Variants in SLC4A7 observed in about 807,000 individuals in gnomAD.
SLC4A7 encodes solute carrier family 4 member 7, also known as sodium bicarbonate cotransporter 3.
In SLC4A7, 51 loss-of-function variants were observed where a neutral mutation model predicts 137.6. That is an observed-to-expected ratio of 0.37 (90% CI 0.30 to 0.47). The LOEUF (loss-of-function observed/expected upper bound fraction) is 0.47, where lower values mean the gene tolerates loss of function less well. Ranked by LOEUF, SLC4A7 falls within the 20% of genes least tolerant of loss-of-function variation. The pLI is 1.00. For synonymous variants in SLC4A7, 542 were observed against 518.6 expected (o/e 1.05, Z -0.61); for missense variants, 1,247 against 1,525.4 (o/e 0.82, Z 3.04).
Position 27,383,182 on chromosome 3 carries a change from C to G in SLC4A7, c.3561G>C (p.Leu1187Phe). 1 of 1,612,930 alleles carries G rather than the reference C, an allele frequency of 6.2e-7. No individual in the cohort carries two copies. The highest frequency in any genetic ancestry group is 2.2e-5 in the East Asian group (1 of 44,866). ...ATTTTAGGGCCTTGACTGGAATTTGCAAGAGACTTCCCCCTTCAAATGGAA... is the reference window on the plus strand; with the variant it reads ...ATTTTAGGGCCTTGACTGGAATTTGGAAGAGACTTCCCCCTTCAAATGGAA... The part of the protein sequence containing the change: ...VHLPFEGGSL[L>F]QIPVKALKYS... Residue 1187 changes from leucine to phenylalanine, a missense_variant, in exon 24 of 26, where the codon TTG becomes TTC. Physicochemically the swap from Leu to Phe is conservative, Grantham distance 22. Coordinates refer to ENST00000454389, the MANE Select transcript of SLC4A7 (RefSeq NM_001321103.2).
chr3:27,457,045 A>G (rs1229207987), intron 1 of SLC4A7: 4 of 512,624 alleles, frequency 7.8e-6, no homozygotes. Flanking sequence ...AGTATGGTTT[A>G]TAATTATCAT....
intron 25 of SLC4A7, among the ~76,000 whole-genome samples, chr3:27,378,597 T>TA (rs2050126674): frequency 6.6e-6 from 1 of 152,176 alleles, no homozygotes; most frequent in Non-Finnish European, 1.5e-5. Context: ...GGTTACAAAA[T>TA]ACTTTCAATA....
chr3:27,421,023 G>C (rs964988282), intron 9 of SLC4A7, among the ~76,000 whole-genome samples: 2 of 151,876 alleles, frequency 1.3e-5, no homozygotes, highest in African/African-American at 4.8e-5. Flanking sequence ...CCAAACTCCT[G>C]ACCTCAGGTG....
intron 10 of SLC4A7, 112 bp from the exon 11 acceptor site, chr3:27,418,744 C>CCTG: frequency 3.1e-6 from 2 of 644,750 alleles, no homozygotes; most frequent in South Asian, 2.2e-5. Context: ...AACCCCTAAA[C>CCTG]TCTTATCTCA....
chr3:27,409,649 A>G (rs2053713899), intron 12 of SLC4A7, 119 bp from the exon 13 acceptor site: 3 of 658,000 alleles, frequency 4.6e-6, no homozygotes, highest in Non-Finnish European at 7.8e-6. Context: ...CAAAATGTTA[A>G]ATCCAATTTA....
intron 2 of SLC4A7, among the ~76,000 whole-genome samples, chr3:27,450,279 C>T (rs2057981716): frequency 6.6e-6 from 1 of 152,038 alleles, no homozygotes; most frequent in Admixed American, 6.6e-5. Flanking sequence ...ATCTCAACTA[C>T]TAGAAAACAA....
chr3:27,429,821 T>C (rs1283130006), intron 7 of SLC4A7, among the ~76,000 whole-genome samples: 2 of 151,232 alleles, frequency 1.3e-5, no homozygotes, highest in African/African-American at 4.9e-5. Context: ...TGCGCTCCAG[T>C]CTAGGCAACA....
chr3:27,411,326 A>C (rs1262651921), intron 12 of SLC4A7, among the ~76,000 whole-genome samples: 4 of 152,118 alleles, frequency 2.6e-5, no homozygotes, highest in African/African-American at 9.7e-5. Context: ...ATGAAGAATT[A>C]TAATAAGACT....
chr3:27,437,086 A>G (rs1333519919), intron 4 of SLC4A7, among the ~76,000 whole-genome samples: 1 of 152,180 alleles, frequency 6.6e-6, no homozygotes, highest in Admixed American at 6.5e-5. Flanking sequence ...AACGGTGGCT[A>G]ACGCCTGTAA....
intron 1 of SLC4A7, among the ~76,000 whole-genome samples, chr3:27,466,807 C>A (rs539601875): frequency 6.6e-6 from 1 of 151,456 alleles, no homozygotes; most frequent in Non-Finnish European, 1.5e-5. Context: ...CAGAGAGCCG[C>A]GATTGCGCCA....
At chr3:27,435,979 G>A (rs759139450) in intron 5 of SLC4A7, among the ~76,000 whole-genome samples, 1 of 152,114 alleles carries the variant, frequency 6.6e-6, no homozygotes, top group South Asian at 2.1e-4. Flanking sequence ...TGAGATTCCT[G>A]TCTATACTTC....
chr3:27,422,294 T>C (rs2055058644), intron 8 of SLC4A7, among the ~76,000 whole-genome samples: 2 of 152,174 alleles, frequency 1.3e-5, no homozygotes, highest in African/African-American at 4.8e-5. Flanking sequence ...TGAGACAAGG[T>C]CTTACTCTAT....
chr3:27,416,906 C>T (rs186098302), intron 11 of SLC4A7, among the ~76,000 whole-genome samples: 1 of 152,264 alleles, frequency 6.6e-6, no homozygotes, highest in East Asian at 1.9e-4. Context: ...GTCAGTTCTC[C>T]CTCAGTTGAA....
Position 27,433,953 on chromosome 3 carries a change from G to A in SLC4A7, c.741C>T (p.Gly247=), listed in dbSNP as rs1334716220. The change falls in exon 6 of 26, where the codon GGC becomes GGT. Residue 247 remains glycine (G), a synonymous_variant. Coordinates refer to ENST00000454389, the MANE Select transcript of SLC4A7 (RefSeq NM_001321103.2). ...GCAAGTGAGGGTCAGAATGTTTCTT[G>A]CCTATATCTGCAAAAGATCGAACAA... ...IPLVRSFADI[G]KKHSDPHLLE... is the part of the protein sequence containing the mutation. 6.2e-7 allele frequency: 1 copy of A among 1,613,646 alleles called. No homozygotes were observed. Among genetic ancestry groups the A allele is most frequent in the Non-Finnish European group, 8.5e-7 (1 of 1,179,868 alleles).
intron 22 of SLC4A7, among the ~76,000 whole-genome samples, chr3:27,388,563 T>C (rs182363168): frequency 3.5e-3 from 540 of 152,316 alleles, no homozygotes; most frequent in African/African-American, 0.012. Flanking sequence ...GTGTCAATTT[T>C]GGAAATTTAG....
At chr3:27,454,338 C>T (rs1023487759) in intron 1 of SLC4A7, among the ~76,000 whole-genome samples, 4 of 151,924 alleles carry the variant, frequency 2.6e-5, no homozygotes, top group African/African-American at 7.3e-5. Flanking sequence ...TGGTAGCGGG[C>T]GCCTGTAATC....
chr3:27,393,545 G>C (rs1218100911), intron 20 of SLC4A7, among the ~76,000 whole-genome samples: 1 of 152,148 alleles, frequency 6.6e-6, no homozygotes. Context: ...AGTAAGGGAA[G>C]GTAGCAGATA....
rs536372575 is a variant in SLC4A7 at position 27,455,995 on chromosome 3, CATAAG to C, written c.61-3502_61-3498del. Among the ~76,000 whole-genome samples, 13 of 152,294 alleles carry C rather than the reference CATAAG, an allele frequency of 8.5e-5. No homozygotes were observed. The South Asian group carries it at 2.5e-3, about 29-fold the overall frequency. On this transcript the variant is annotated intron_variant, in intron 1 of 25. Coordinates refer to ENST00000454389, the MANE Select transcript of SLC4A7 (RefSeq NM_001321103.2). ...TTTGTTAGAAACAGATTTATGCCTT[CATAAG>C]ATATTTTACTAATTCCTCTCATAGT...
intron 1 of SLC4A7, among the ~76,000 whole-genome samples, chr3:27,452,700 G>T (rs1553712544): frequency 6.6e-6 from 1 of 152,172 alleles, no homozygotes; most frequent in Non-Finnish European, 1.5e-5. Context: ...ATCCCAGAGT[G>T]AGAAGTGAAA....
Sources: gnomAD v4.1 joint callset for allele counts (sites outside exome capture counted in the v4.1 genomes callset) on GRCh38, gnomAD v4.1.1 for gene constraint, MANE v1.5 for transcripts, NCBI Gene and HGNC (gene_info 2026-07-23, HGNC 2026-07-21) for gene names.